Variants in KCNMB4 observed in about 807,000 individuals in gnomAD.
The protein encoded by KCNMB4 is potassium calcium-activated channel subfamily M regulatory beta subunit 4, also known as calcium-activated potassium channel subunit beta-4.
In KCNMB4, 3 loss-of-function variants were observed where a neutral mutation model predicts 20.7. The observed-to-expected ratio is 0.14, with a 90% CI of 0.07 to 0.37. KCNMB4 has a LOEUF of 0.37. Ranked by LOEUF, KCNMB4 falls within the 10% of genes least tolerant of loss-of-function variation. The pLI, the probability that KCNMB4 is intolerant of heterozygous loss-of-function variation, is 1.00. For missense variants in KCNMB4, 168 were observed against 265.9 expected (o/e 0.63, Z 2.56); for synonymous variants, 110 against 113.4 (o/e 0.97, Z 0.19).
At chr12:70,399,243 A>G (rs189683524) in intron 1 of KCNMB4, among the ~76,000 whole-genome samples, 192 of 152,142 alleles carry the variant, frequency 1.3e-3, no homozygotes, top group Non-Finnish European at 2.9e-4. Flanking sequence ...ATACTATAAA[A>G]CTCTATGTTG....
rs137999681 is a variant in KCNMB4, at chr12:70,381,715, A to G, written c.336+14645A>G. 3.5e-3 allele frequency among the ~76,000 whole-genome samples: 539 copies of G among 152,364 alleles called. 2 individuals carry two copies. The highest frequency in any genetic ancestry group is 0.012 in the African/African-American group (519 of 41,596). ...AGTAGATTAGTGGTTGCCTAAAGCT[A>G]GAAGGCATGGGAAGATTGGGAATGA... On this transcript the variant is annotated intron_variant, in intron 1 of 2. Coordinates refer to ENST00000258111, the MANE Select transcript of KCNMB4 (RefSeq NM_014505.6).
Position 70,366,715 on chromosome 12 carries a change from G to A in KCNMB4, c.-20G>A, listed in dbSNP as rs1252857092. The A allele has an allele frequency of 6.6e-7, 1 of 1,517,360 alleles. No homozygotes were observed. Among genetic ancestry groups the A allele is most frequent in the Admixed American group, 1.8e-5 (1 of 54,172 alleles). The allele number at this position is 1,517,360 out of a possible 1,614,324, so 94.0% of individuals were successfully genotyped here. A position where few individuals can be genotyped will look rare whatever the true frequency, so the allele number is the denominator to read the frequency against. On this transcript the variant is annotated 5_prime_UTR_variant, in exon 1 of 3. Coordinates refer to ENST00000258111, the MANE Select transcript of KCNMB4 (RefSeq NM_014505.6). The stretch of plus-strand genomic sequence containing the variant: ...GGGAGGGGGCGGGGGGAGCACGCCA[G>A]CCGCCGAGAGTGGGGGGCGATGGCG...
chr12:70,400,082 G>A (rs1868411179), intron 1 of KCNMB4, 127 bp from the exon 2 acceptor site: 2 of 661,684 alleles, frequency 3.0e-6, no homozygotes, highest in East Asian at 6.0e-5. Flanking sequence ...CAATTTGGTT[G>A]TATTTAAAAA....
At chr12:70,411,357 G>A (rs1164804413) in intron 2 of KCNMB4, among the ~76,000 whole-genome samples, 1 of 152,014 alleles carries the variant, frequency 6.6e-6, no homozygotes, top group Non-Finnish European at 1.5e-5. Context: ...CATCAAAAAA[G>A]GTTAAATTTG....
At chr12:70,373,801 A>G (rs1008433774) in intron 1 of KCNMB4, among the ~76,000 whole-genome samples, 5 of 152,092 alleles carry the variant, frequency 3.3e-5, no homozygotes, top group African/African-American at 1.2e-4. Flanking sequence ...TGTACCACGT[A>G]GTAAGATCCC....
At chr12:70,381,907 A>G (rs1368446366) in intron 1 of KCNMB4, among the ~76,000 whole-genome samples, 1 of 152,250 alleles carries the variant, frequency 6.6e-6, no homozygotes, top group Non-Finnish European at 1.5e-5. Flanking sequence ...CTCTTGCCCA[A>G]AAAATAATAA....
chr12:70,366,663 G>C lies in KCNMB4; in HGVS notation c.-72G>C. 41 of 1,050,126 alleles carry C rather than the reference G, an allele frequency of 3.9e-5. No homozygotes were observed. Among genetic ancestry groups the C allele is most frequent in the East Asian group, 9.1e-5 (2 of 22,014 alleles). 65.1% of individuals were successfully genotyped at this position (1,050,126 alleles called of 1,614,324 possible). ...GTGGCGGCGGCGGCTCCTCCCGCCC[G>C]AGGCAGTCGGGCTCGGCGCCGGGGG... On this transcript the variant is annotated 5_prime_UTR_variant, in exon 1 of 3. Transcript: ENST00000258111.
chr12:70,427,575 T>TG (rs1869246658), intron 2 of KCNMB4, among the ~76,000 whole-genome samples: 1 of 152,218 alleles, frequency 6.6e-6, no homozygotes, highest in African/African-American at 2.4e-5. Context: ...GAGGGACTGA[T>TG]GTTGTTTTGT....
At chr12:70,391,412 C>T (rs780828136) in intron 1 of KCNMB4, among the ~76,000 whole-genome samples, 8 of 152,066 alleles carry the variant, frequency 5.3e-5, no homozygotes, top group Non-Finnish European at 1.2e-4. Context: ...AAGCTATCCT[C>T]ACCTCTCAAT....
At chr12:70,371,715 A>C (rs571460470) in intron 1 of KCNMB4, among the ~76,000 whole-genome samples, 3 of 152,326 alleles carry the variant, frequency 2.0e-5, no homozygotes, top group Non-Finnish European at 4.4e-5. Context: ...GCAAGAAACT[A>C]GAGGGCATAC....
intron 2 of KCNMB4, among the ~76,000 whole-genome samples, chr12:70,411,723 C>A (rs1297971409): frequency 6.6e-6 from 1 of 152,080 alleles, no homozygotes; most frequent in Non-Finnish European, 1.5e-5. Flanking sequence ...ATGGGAGGAT[C>A]ATTTGAGTCC....
intron 2 of KCNMB4, among the ~76,000 whole-genome samples, chr12:70,402,988 C>T (rs1348321650): frequency 6.6e-6 from 1 of 152,166 alleles, no homozygotes; most frequent in Non-Finnish European, 1.5e-5. Flanking sequence ...TTTGCCCACA[C>T]CTAAACCAAT....
intron 1 of KCNMB4, among the ~76,000 whole-genome samples, chr12:70,383,076 T>G (rs1265605852): frequency 2.0e-5 from 3 of 152,208 alleles, no homozygotes; most frequent in Non-Finnish European, 4.4e-5. Flanking sequence ...AAATACAGTA[T>G]TATAATCTCA....
intron 1 of KCNMB4, among the ~76,000 whole-genome samples, chr12:70,397,130 G>A (rs1868360792): frequency 6.6e-6 from 1 of 152,246 alleles, no homozygotes; most frequent in Middle Eastern, 3.4e-3. Context: ...GGCCAGGGTG[G>A]GACAATTGAG....
At chr12:70,421,827 C>G (rs550742991) in intron 2 of KCNMB4, among the ~76,000 whole-genome samples, 1 of 151,430 alleles carries the variant, frequency 6.6e-6, no homozygotes, top group Non-Finnish European at 1.5e-5. Context: ...TTGATCCGCC[C>G]GCCTTGGCCT....
At chr12:70,423,877 A>T (rs767550145) in intron 2 of KCNMB4, among the ~76,000 whole-genome samples, 4 of 152,238 alleles carry the variant, frequency 2.6e-5, no homozygotes, top group Non-Finnish European at 5.9e-5. Flanking sequence ...AACAAACAAA[A>T]TACTTTTCCT....
Position 70,430,533 on chromosome 12 carries a change from G to A in KCNMB4, c.513G>A (p.Leu171=), listed in dbSNP as rs780306751. The change falls in exon 3 of 3, where the codon CTG becomes CTA. Residue 171 remains leucine (L), a synonymous_variant. Coordinates refer to ENST00000258111, the MANE Select transcript of KCNMB4 (RefSeq NM_014505.6). ...GCACTCATGATGAGATTGTCCTCCT[G>A]CATTGCTTCCTCTGGCCCCTGGTGA... ...LHRTHDEIVL[L]HCFLWPLVTF... 3.7e-6 allele frequency: 6 copies of A among 1,613,136 alleles called. No homozygotes were observed. In the Admixed American group the frequency reaches 1.0e-4, roughly 27 times the overall value.
At position 70,381,814 on chromosome 12, in the gene KCNMB4, C is replaced by T. The variant is rs149480758; in HGVS notation, c.336+14744C>T. Among the ~76,000 whole-genome samples the T allele has an allele frequency of 2.9e-3, 442 of 152,232 alleles. 2 individuals carry two copies. The highest frequency in any genetic ancestry group is 0.01 in the African/African-American group (432 of 41,530). ...ATTGATTGTGATGATTGTTGCACAC[C>T]TCTGTGCAATCTACTAAAAACCATT... is the stretch of plus-strand genomic sequence containing the variant. On this transcript the variant is annotated intron_variant, in intron 1 of 2. Coordinates refer to ENST00000258111, the MANE Select transcript of KCNMB4 (RefSeq NM_014505.6).
chr12:70,379,741 C>A (rs781059202), intron 1 of KCNMB4, among the ~76,000 whole-genome samples: 1 of 152,164 alleles, frequency 6.6e-6, no homozygotes, highest in Non-Finnish European at 1.5e-5. Context: ...ATGAAGATGG[C>A]TTCTTTTCTT....
Sources: gnomAD v4.1 joint callset for allele counts (sites outside exome capture counted in the v4.1 genomes callset) on GRCh38, gnomAD v4.1.1 for gene constraint, MANE v1.5 for transcripts, NCBI Gene and HGNC (gene_info 2026-07-23, HGNC 2026-07-21) for gene names.